The following MAST4 variants were observed in gnomAD, a reference collection of about 807,000 sequenced individuals.
The protein encoded by MAST4 is microtubule-associated serine/threonine-protein kinase 4.
MAST4 carries 89 observed loss-of-function variants against 162.7 expected under a neutral mutation model. The observed-to-expected ratio is 0.55, with a 90% confidence interval of 0.46 to 0.65. The LOEUF (loss-of-function observed/expected upper bound fraction) is 0.65, where lower values mean the gene tolerates loss of function less well. MAST4 is among the 30% of genes least tolerant of loss of function. The probability of loss-of-function intolerance (pLI) is 0.00; values close to 1 mark genes in which losing one functional copy is unlikely to be tolerated. For missense variants in MAST4, 3,153 were observed against 3,374.0 expected, an observed-to-expected ratio of 0.93 and a Z score of 1.62; for synonymous variants, 1,479 against 1,361.1, an observed-to-expected ratio of 1.09 and a Z score of -1.91.
chr5:66,817,741 G>A (rs1428607340), intron 3 of MAST4, among the ~76,000 whole-genome samples: 1 of 152,068 alleles, frequency 6.6e-6, no homozygotes, highest in Non-Finnish European at 1.5e-5. Context: ...AATACAATTA[G>A]TTTCTGTGAA....
At chr5:66,761,009 G>T (rs1580388218) in intron 2 of MAST4, among the ~76,000 whole-genome samples, 1 of 152,074 alleles carries the variant, frequency 6.6e-6, no homozygotes, top group Non-Finnish European at 1.5e-5. Context: ...TTCTAAAATT[G>T]TGCCATTTTA....
At chr5:67,138,562 TA>T (rs1769969272) in intron 19 of MAST4, among the ~76,000 whole-genome samples, 2 of 151,750 alleles carry the variant, frequency 1.3e-5, no homozygotes, top group Non-Finnish European at 2.9e-5. Flanking sequence ...GCCTCCCGAG[TA>T]GCTGGGGCCA....
chr5:67,001,291 C>T (rs1313781235), intron 4 of MAST4: 1 of 152,192 alleles, frequency 6.6e-6, no homozygotes, highest in African/African-American at 2.4e-5. Flanking sequence ...GAAGACAACT[C>T]ACACTTCAGT....
intron 4 of MAST4, among the ~76,000 whole-genome samples, chr5:66,976,971 A>G (rs950557507): frequency 2.6e-5 from 4 of 152,168 alleles, no homozygotes; most frequent in Non-Finnish European, 5.9e-5. Flanking sequence ...AATTGTATAG[A>G]CATCATGTAG....
At chr5:67,012,660 T>C (rs1752832134) in intron 4 of MAST4, among the ~76,000 whole-genome samples, 1 of 152,200 alleles carries the variant, frequency 6.6e-6, no homozygotes, top group Admixed American at 6.5e-5. Flanking sequence ...GATAATGTGG[T>C]ACATTTTGTA....
chr5:66,757,941 A>G (rs1238368706), intron 1 of MAST4, among the ~76,000 whole-genome samples: 2 of 152,200 alleles, frequency 1.3e-5, no homozygotes, highest in African/African-American at 4.8e-5. Context: ...TGCATTTTCT[A>G]GAGGCTATAT....
chr5:66,957,863 G>A (rs1745513648), intron 4 of MAST4, among the ~76,000 whole-genome samples: 1 of 152,202 alleles, frequency 6.6e-6, no homozygotes, highest in South Asian at 2.1e-4. Context: ...ATGGAAAGCA[G>A]ACCAGATGTT....
chr5:66,736,641 C>T (rs752829466), intron 1 of MAST4, among the ~76,000 whole-genome samples: 4 of 152,144 alleles, frequency 2.6e-5, no homozygotes, highest in South Asian at 4.2e-4. Flanking sequence ...TAAGGATTAA[C>T]GTAGTTTTTC....
intron 1 of MAST4, among the ~76,000 whole-genome samples, chr5:66,619,670 T>C (rs923264773): frequency 1.3e-5 from 2 of 152,200 alleles, no homozygotes; most frequent in African/African-American, 4.8e-5. Flanking sequence ...TTCTGGGGAA[T>C]ATTTTAAATT....
chr5:67,118,027 A>T (rs1205074640), intron 12 of MAST4, among the ~76,000 whole-genome samples: 1 of 152,242 alleles, frequency 6.6e-6, no homozygotes, highest in Non-Finnish European at 1.5e-5. Context: ...CTTTACATGC[A>T]TTATCACATA....
intron 4 of MAST4, among the ~76,000 whole-genome samples, chr5:67,000,200 A>C (rs1371293904): frequency 6.6e-6 from 1 of 152,182 alleles, no homozygotes; most frequent in Non-Finnish European, 1.5e-5. Flanking sequence ...TGGGGATGGG[A>C]AGATGTCAAA....
intron 5 of MAST4, among the ~76,000 whole-genome samples, chr5:67,064,196 A>G (rs150285008): frequency 1.3e-5 from 2 of 152,132 alleles, no homozygotes; most frequent in Non-Finnish European, 2.9e-5. Context: ...CTACAATGCT[A>G]ACATTTTAAG....
chr5:66,889,641 T>C (rs1762248103), intron 3 of MAST4, among the ~76,000 whole-genome samples: 1 of 152,202 alleles, frequency 6.6e-6, no homozygotes, highest in Non-Finnish European at 1.5e-5. Flanking sequence ...CTTGCTCTTT[T>C]ATTGAGTCGG....
Position 67,078,911 on chromosome 5 carries a change from AATATATATATATATAT to A in MAST4, c.764-11226_764-11211del, listed in dbSNP as rs750951069. ...TTATATATTTATATATTTTTATATA[AATATATATATATATAT>A]ATATATATATATATATATATATATG... is the stretch of plus-strand genomic sequence containing the variant. On this transcript the variant is annotated intron_variant, in intron 5 of 28. Transcript: ENST00000403625. Among the ~76,000 whole-genome samples, 27 of 38,104 alleles carry A rather than the reference AATATATATATATATAT, an allele frequency of 7.1e-4. 1 individual carries two copies. The South Asian group carries it at 0.02, about 29-fold the overall frequency. 25.0% of individuals were successfully genotyped at this position (38,104 alleles called of 152,430 possible).
rs148068220 is a variant in MAST4 at position 66,942,152 on chromosome 5, C to G, written c.674+42170C>G. On this transcript the variant is annotated intron_variant, in intron 4 of 28. Coordinates refer to ENST00000403625, the MANE Select transcript of MAST4 (RefSeq NM_001164664.2). ...GAAAGATGGTGCTGATAGATTTGCTCTATGCAGGGTTACCATACATCTTCA... is the reference window on the plus strand; with the variant it reads ...GAAAGATGGTGCTGATAGATTTGCTGTATGCAGGGTTACCATACATCTTCA... Among the ~76,000 whole-genome samples the G allele has an allele frequency of 2.3e-3, 352 of 152,192 alleles. 1 individual carries two copies. The highest frequency in any genetic ancestry group is 3.7e-3 in the Non-Finnish European group (254 of 67,986).
intron 4 of MAST4, among the ~76,000 whole-genome samples, chr5:66,967,746 A>G (rs1207243073): frequency 6.7e-6 from 1 of 150,088 alleles, no homozygotes; most frequent in African/African-American, 2.5e-5. Flanking sequence ...CAAAATACAC[A>G]CTTTGTCTAC....
chr5:67,000,757 G>GGGT (rs1554079057), intron 4 of MAST4, among the ~76,000 whole-genome samples: 1 of 76,274 alleles, frequency 1.3e-5, no homozygotes, highest in Non-Finnish European at 3.1e-5. Flanking sequence ...TAAAAAAAAA[G>GGGT]GGGGGGGGTG....
At chr5:67,106,851 G>T (rs1425801954) in intron 10 of MAST4, among the ~76,000 whole-genome samples, 1 of 152,176 alleles carries the variant, frequency 6.6e-6, no homozygotes, top group Non-Finnish European at 1.5e-5. Flanking sequence ...TGAGTTCAGT[G>T]CCTGGTGTTT....
At chr5:66,768,043 G>C (rs1754182520) in intron 2 of MAST4, among the ~76,000 whole-genome samples, 1 of 152,170 alleles carries the variant, frequency 6.6e-6, no homozygotes, top group Non-Finnish European at 1.5e-5. Context: ...GGGAAGTGCA[G>C]ACAGAAGTGA....
Sources: gnomAD v4.1 joint callset for allele counts (sites outside exome capture counted in the v4.1 genomes callset) on GRCh38, gnomAD v4.1.1 for gene constraint, MANE v1.5 for transcripts, NCBI Gene and HGNC (gene_info 2026-07-23, HGNC 2026-07-21) for gene names.